The following MYL9 variants were observed in gnomAD, a reference collection of about 807,000 sequenced individuals.
MYL9 encodes myosin light chain 9, also known as myosin regulatory light polypeptide 9.
Under a neutral mutation model 12.8 loss-of-function variants are expected in MYL9, and 7 were observed. The observed-to-expected ratio is 0.55, with a 90% CI of 0.31 to 1.03. The LOEUF (loss-of-function observed/expected upper bound fraction) is 1.03, where lower values mean the gene tolerates loss of function less well. Ranked by LOEUF, MYL9 falls within the 50% of genes least tolerant of loss-of-function variation. The probability of loss-of-function intolerance (pLI) is 0.05; values close to 1 mark genes in which losing one functional copy is unlikely to be tolerated. For synonymous variants in MYL9, 81 were observed against 87.8 expected (o/e 0.92, Z 0.43); for missense variants, 190 against 242.7 (o/e 0.78, Z 1.44).
At chr20:36,545,214 T>A in intron 2 of MYL9, 146 bp downstream of exon 2, 1 of 997,894 alleles carries the variant, frequency 1.0e-6, no homozygotes, top group Non-Finnish European at 1.4e-6. Context: ...ACAGGGAAAC[T>A]GGGCCGGGCG....
chr20:36,550,005 G>A lies in MYL9; in HGVS notation c.*756G>A, dbSNP rs2038151090. 1 of 152,330 alleles carries A rather than the reference G, an allele frequency of 6.6e-6. No individual in the cohort carries two copies. The highest frequency in any genetic ancestry group is 1.5e-5 in the Non-Finnish European group (1 of 68,132). The allele number at this position is 152,330 out of a possible 1,614,324, so 9.4% of individuals were successfully genotyped here. ...CTAGGGACCAGAGTCCCTAGTAAGT[G>A]GGCTCTGTGCTCAGCTGAGACCAGC... On this transcript the variant is annotated 3_prime_UTR_variant, in exon 4 of 4. Transcript: ENST00000279022.
At chr20:36,546,739 A>G (rs1461591425) in intron 2 of MYL9, among the ~76,000 whole-genome samples, 1 of 151,820 alleles carries the variant, frequency 6.6e-6, no homozygotes, top group Non-Finnish European at 1.5e-5. Context: ...CCTCCCCAGT[A>G]GCTGGGATTA....
Position 36,545,056 on chromosome 20 carries a change from C to A in MYL9, c.172C>A (p.Leu58Met). The change falls in exon 2 of 4, where the codon CTG becomes ATG. Residue 58 changes from leucine to methionine, a missense_variant. By Grantham distance (15) the Leu-to-Met change is conservative. Transcript: ENST00000279022. ...FIDKEDLHDM[L>M]ASLGKNPTDE... ...TGACAAGGAGGACCTGCACGACATGCTGGCCTCGCTGGGTGAGCTGGGACA... is the reference window on the plus strand; with the variant it reads ...TGACAAGGAGGACCTGCACGACATGATGGCCTCGCTGGGTGAGCTGGGACA... 1.9e-6 allele frequency: 3 copies of A among 1,613,912 alleles called. No individual in the cohort carries two copies. The highest frequency in any genetic ancestry group is 2.5e-6 in the Non-Finnish European group (3 of 1,179,846).
intron 3 of MYL9, 134 bp downstream of exon 3, chr20:36,548,327 C>T: frequency 8.1e-7 from 1 of 1,232,212 alleles, no homozygotes; most frequent in South Asian, 1.7e-5. Flanking sequence ...AAAAGCCAGG[C>T]CACCTCCTTA....
intron 3 of MYL9, 61 bp from the exon 4 acceptor site, chr20:36,549,016 G>C: frequency 6.5e-7 from 1 of 1,529,824 alleles, no homozygotes; most frequent in Non-Finnish European, 8.9e-7. Context: ...CTGAGGGATG[G>C]GGCTGCTGTG....
chr20:36,544,825 C>A, intron 1 of MYL9, 34 bp from the exon 2 acceptor site: 11 of 1,552,572 alleles, frequency 7.1e-6, no homozygotes, highest in Admixed American at 1.9e-5. Flanking sequence ...GGCCCAGAGT[C>A]ACAGGGCCAC....
In MYL9 at chr20:36,544,791, C is replaced by G. The variant is rs566325942; in HGVS notation, c.-26-68C>G. 51 of 1,391,400 alleles carry G rather than the reference C, an allele frequency of 3.7e-5. No homozygotes were observed. The East Asian group carries it at 1.1e-3, about 30-fold the overall frequency. The allele number at this position is 1,391,400 out of a possible 1,614,324, so 86.2% of individuals were successfully genotyped here. A position where few individuals can be genotyped will look rare whatever the true frequency, so the allele number is the denominator to read the frequency against. On this transcript the variant is annotated intron_variant, in intron 1 of 3. Coordinates refer to ENST00000279022, the MANE Select transcript of MYL9 (RefSeq NM_006097.5). The stretch of plus-strand genomic sequence containing the variant: ...CCAGGCCGAAGTGCTAAAAGCCAGT[C>G]TGGGGGAGGCAGGAAGATTCCCTGG...
chr20:36,545,734 T>A (rs376517898), intron 2 of MYL9, among the ~76,000 whole-genome samples: 2 of 151,688 alleles, frequency 1.3e-5, no homozygotes, highest in Non-Finnish European at 2.9e-5. Context: ...ATCGAGATCA[T>A]CCTGGCTAAC....
chr20:36,548,141 C>A lies in MYL9; in HGVS notation c.294C>A (p.Asp98Glu), dbSNP rs766167792. ...TMFGEKLNGT[D>E]PEDVIRNAFA... ...TTGGGGAGAAGCTGAACGGCACGGA[C>A]CCCGAGGATGTGATTCGCAACGCCT... is the stretch of plus-strand genomic sequence containing the variant. Residue 98 changes from aspartate (D) to glutamate (E), a missense_variant, in exon 3 of 4, where the codon GAC becomes GAA. Asp to Glu is a conservative substitution (Grantham distance 45, BLOSUM62 2). Transcript: ENST00000279022. The A allele has an allele frequency of 6.2e-7, 1 of 1,613,986 alleles. No homozygotes were observed. Among genetic ancestry groups the A allele is most frequent in the Admixed American group, 1.7e-5 (1 of 60,004 alleles).
At chr20:36,543,852 G>C (rs2038064290) in intron 1 of MYL9, among the ~76,000 whole-genome samples, 1 of 152,186 alleles carries the variant, frequency 6.6e-6, no homozygotes, top group Admixed American at 6.5e-5. Context: ...GGGAGGAGGG[G>C]ACCACAGAGG....
At chr20:36,544,813 C>A in intron 1 of MYL9, 46 bp from the exon 2 acceptor site, 1 of 1,504,224 alleles carries the variant, frequency 6.6e-7, no homozygotes, top group Non-Finnish European at 9.0e-7. Context: ...GGAAGATTCC[C>A]TGGCCCAGAG....
chr20:36,542,426 A>G, intron 1 of MYL9, among the ~76,000 whole-genome samples: 1 of 152,146 alleles, frequency 6.6e-6, no homozygotes, highest in East Asian at 1.9e-4. Flanking sequence ...ATCCAGTCAC[A>G]TCCAGGCCAA....
At chr20:36,545,208 G>A (rs2038080627) in intron 2 of MYL9, 140 bp downstream of exon 2, 1 of 1,054,170 alleles carries the variant, frequency 9.5e-7, no homozygotes, top group East Asian at 2.6e-5. Context: ...CATTCAACAG[G>A]GAAACTGGGC....
chr20:36,546,801 G>C (rs2038106067), intron 2 of MYL9, among the ~76,000 whole-genome samples: 1 of 152,150 alleles, frequency 6.6e-6, no homozygotes, highest in Admixed American at 6.5e-5. Flanking sequence ...GTAGAGACAG[G>C]GTTTCGCCAT....
chr20:36,548,492 T>C (rs994707968), intron 3 of MYL9, among the ~76,000 whole-genome samples: 2 of 152,214 alleles, frequency 1.3e-5, no homozygotes, highest in African/African-American at 2.4e-5. Flanking sequence ...GTATAGAAAC[T>C]GGCCCCCCTC....
At position 36,544,856 on chromosome 20, in the gene MYL9, C is replaced by A; in HGVS notation, c.-26-3C>A. 6.3e-7 allele frequency: 1 copy of A among 1,584,872 alleles called. No individual in the cohort carries two copies. The highest frequency in any genetic ancestry group is 1.1e-5 in the South Asian group (1 of 89,438). ...GCCACCCAACCCCCACCCCTTCCTG[C>A]AGGGAAGCCCCACCCACCAGAAGCC... is the stretch of plus-strand genomic sequence containing the variant. On this transcript the variant is annotated splice_region_variant and splice_polypyrimidine_tract_variant and intron_variant, in intron 1 of 3. Coordinates refer to ENST00000279022, the MANE Select transcript of MYL9 (RefSeq NM_006097.5).
In MYL9 at chr20:36,545,315, G is replaced by A. The variant is rs188222084; in HGVS notation, c.184+247G>A. On this transcript the variant is annotated intron_variant, in intron 2 of 3. Coordinates refer to ENST00000279022, the MANE Select transcript of MYL9 (RefSeq NM_006097.5). ...GATCGAGACCATCCTGGCTAACACGGTGAAACCCTGACTCTACTAAAAATA... is the reference window on the plus strand; with the variant it reads ...GATCGAGACCATCCTGGCTAACACGATGAAACCCTGACTCTACTAAAAATA... Among the ~76,000 whole-genome samples, 4 of 151,950 alleles carry A rather than the reference G, an allele frequency of 2.6e-5. No individual in the cohort carries two copies. The East Asian group carries it at 7.8e-4, about 30-fold the overall frequency.
intron 2 of MYL9, 147 bp downstream of exon 2, chr20:36,545,215 G>A (rs112649468): frequency 4.0e-6 from 4 of 992,794 alleles, no homozygotes; most frequent in African/African-American, 3.3e-5. Flanking sequence ...CAGGGAAACT[G>A]GGCCGGGCGC....
Position 36,544,846 on chromosome 20 carries a change from C to A in MYL9, c.-26-13C>A, listed in dbSNP as rs2038075659. 3.2e-6 allele frequency: 5 copies of A among 1,571,840 alleles called. No homozygotes were observed. The highest frequency in any genetic ancestry group is 3.5e-6 in the Non-Finnish European group (4 of 1,149,794). ...GAGTCACAGGGCCACCCAACCCCCA[C>A]CCCTTCCTGCAGGGAAGCCCCACCC... On this transcript the variant is annotated splice_polypyrimidine_tract_variant and intron_variant, in intron 1 of 3. Coordinates refer to ENST00000279022, the MANE Select transcript of MYL9 (RefSeq NM_006097.5).
Sources: gnomAD v4.1 joint callset for allele counts (sites outside exome capture counted in the v4.1 genomes callset) on GRCh38, gnomAD v4.1.1 for gene constraint, MANE v1.5 for transcripts, NCBI Gene and HGNC (gene_info 2026-07-23, HGNC 2026-07-21) for gene names.